Variants in PTK2B observed in about 807,000 individuals in gnomAD.
PTK2B encodes the protein protein tyrosine kinase 2 beta.
A neutral mutation model predicts 142.9 loss-of-function variants in PTK2B; 71 were observed. That is an observed-to-expected ratio of 0.50 (90% CI 0.41 to 0.61). PTK2B has a LOEUF of 0.61. Ranked by LOEUF, PTK2B falls within the 20% of genes least tolerant of loss-of-function variation. The probability of loss-of-function intolerance (pLI) is 0.00; values close to 1 mark genes in which losing one functional copy is unlikely to be tolerated. For missense variants in PTK2B, 1,105 were observed against 1,320.4 expected, an observed-to-expected ratio of 0.84 and a Z score of 2.53; for synonymous variants, 519 against 503.4, an observed-to-expected ratio of 1.03 and a Z score of -0.42.
At chr8:27,332,833 C>G (rs1327490489) in intron 1 of PTK2B, among the ~76,000 whole-genome samples, 1 of 152,334 alleles carries the variant, frequency 6.6e-6, no homozygotes, top group Middle Eastern at 3.4e-3. Context: ...TCTGCTTCGG[C>G]CTCCCAGAGT....
At chr8:27,447,704 CA>C (rs1331015690) in intron 24 of PTK2B, among the ~76,000 whole-genome samples, 1 of 152,048 alleles carries the variant, frequency 6.6e-6, no homozygotes, top group Non-Finnish European at 1.5e-5. Flanking sequence ...ACTAAAAATA[CA>C]AAAAATTAGT....
chr8:27,389,232 C>T (rs547174758), intron 1 of PTK2B, among the ~76,000 whole-genome samples: 4 of 151,778 alleles, frequency 2.6e-5, no homozygotes, highest in South Asian at 2.1e-4. Flanking sequence ...GCTATGGTTC[C>T]TGAAACATAG....
At chr8:27,349,756 T>C (rs1023915522) in intron 1 of PTK2B, among the ~76,000 whole-genome samples, 1 of 152,256 alleles carries the variant, frequency 6.6e-6, no homozygotes, top group Non-Finnish European at 1.5e-5. Flanking sequence ...CCTGGTCTCA[T>C]TTTTGCACCT....
intron 1 of PTK2B, among the ~76,000 whole-genome samples, chr8:27,327,420 T>C (rs1051574424): frequency 6.6e-6 from 1 of 151,360 alleles, no homozygotes; most frequent in Non-Finnish European, 1.5e-5. Flanking sequence ...GTTTTTTTTT[T>C]CACTACAAAT....
chr8:27,311,211 G>T, upstream of PTK2B: 1 of 1,569,392 alleles, frequency 6.4e-7, no homozygotes. Flanking sequence ...GAAGGCCCGG[G>T]GGACACGTCG....
At chr8:27,316,161 A>T (rs1301679736) in intron 3 of PTK2B, among the ~76,000 whole-genome samples, 1 of 152,176 alleles carries the variant, frequency 6.6e-6, no homozygotes, top group Non-Finnish European at 1.5e-5. Context: ...CCCACCTCCC[A>T]AATGCCCTGC....
chr8:27,420,264 CTA>C (rs778642640), intron 3 of PTK2B, among the ~76,000 whole-genome samples, 191 bp downstream of exon 3: 104 of 152,264 alleles, frequency 6.8e-4, no homozygotes, highest in Non-Finnish European at 8.5e-4. Context: ...GCTTCATAGA[CTA>C]TCCCCATCCC....
chr8:27,348,536 C>T (rs1001353117), intron 1 of PTK2B, among the ~76,000 whole-genome samples: 2 of 152,146 alleles, frequency 1.3e-5, no homozygotes, highest in Non-Finnish European at 1.5e-5. Context: ...GAAGTGCGAT[C>T]GCACCTCCCA....
chr8:27,340,820 AGCTGTCCATGCTGGCC>A (rs1563202090), intron 1 of PTK2B, among the ~76,000 whole-genome samples: 1 of 152,158 alleles, frequency 6.6e-6, no homozygotes, highest in Non-Finnish European at 1.5e-5. Flanking sequence ...TGGGCATTGA[AGCTGTCCATGCTGGCC>A]GCTGGCCAGC....
chr8:27,337,977 C>T (rs1804178384), intron 1 of PTK2B, among the ~76,000 whole-genome samples: 3 of 152,138 alleles, frequency 2.0e-5, no homozygotes, highest in Non-Finnish European at 4.4e-5. Flanking sequence ...TTTTTATTCC[C>T]ATCAGCAGTA....
chr8:27,401,721 T>C (rs994914529), intron 2 of PTK2B, among the ~76,000 whole-genome samples: 1 of 152,146 alleles, frequency 6.6e-6, no homozygotes, highest in Non-Finnish European at 1.5e-5. Context: ...AAACTATGAG[T>C]GACATGAGAT....
chr8:27,418,817 C>G (rs943535447), intron 2 of PTK2B, among the ~76,000 whole-genome samples: 1 of 152,108 alleles, frequency 6.6e-6, no homozygotes, highest in Non-Finnish European at 1.5e-5. Context: ...CACTTGAGGT[C>G]AGGAGTTTGA....
intron 1 of PTK2B, among the ~76,000 whole-genome samples, chr8:27,394,182 G>C (rs1807898310): frequency 6.6e-6 from 1 of 152,130 alleles, no homozygotes; most frequent in Non-Finnish European, 1.5e-5. Flanking sequence ...GGTACATTCT[G>C]TCCTGGTTCC....
At chr8:27,414,016 C>T (rs907629966) in intron 2 of PTK2B, among the ~76,000 whole-genome samples, 1 of 152,106 alleles carries the variant, frequency 6.6e-6, no homozygotes, top group African/African-American at 2.4e-5. Flanking sequence ...TAGATGTGGC[C>T]GATGTGAGTT....
At chr8:27,445,977 T>C in intron 24 of PTK2B, 58 bp downstream of exon 24, 1 of 1,604,558 alleles carries the variant, frequency 6.2e-7, no homozygotes, top group South Asian at 1.1e-5. Flanking sequence ...TGGAGGGAGG[T>C]GGCCGGGGAC....
At chr8:27,389,038 C>A (rs2131276707) in intron 1 of PTK2B, among the ~76,000 whole-genome samples, 1 of 152,244 alleles carries the variant, frequency 6.6e-6, no homozygotes, top group Non-Finnish European at 1.5e-5. Flanking sequence ...ATCCTGAGGC[C>A]CAGTAGGCAG....
In PTK2B at chr8:27,455,150, CTT is replaced by C. The variant is rs535943541; in HGVS notation, c.2814+541_2814+542del. On this transcript the variant is annotated intron_variant, in intron 30 of 30. Coordinates refer to ENST00000346049, the MANE Select transcript of PTK2B (RefSeq NM_173176.3). ...ATGCCACCTTCCATGGCAAAAGAGA[CTT>C]TGCAAATGTGATAAAGTTAAGGACC... Among the ~76,000 whole-genome samples, 1,048 of 152,176 alleles carry C rather than the reference CTT, an allele frequency of 6.9e-3. 21 individuals carry two copies. The highest frequency in any genetic ancestry group is 0.024 in the African/African-American group (1,008 of 41,538).
Position 27,454,259 on chromosome 8 carries a change from C to T in PTK2B, c.2701C>T (p.Leu901=). The change falls in exon 29 of 31, where the codon CTG becomes TTG. Residue 901 remains leucine, a synonymous_variant. Coordinates refer to ENST00000346049, the MANE Select transcript of PTK2B (RefSeq NM_173176.3). ...VLELKNELCQ[L]PPEGYVVVVK... ...GGAGCTCAAGAATGAGCTCTGTCAG[C>T]TGCCCCCCGAGGGCTACGTGGTGGT... The T allele has an allele frequency of 6.2e-7, 1 of 1,614,048 alleles. No individual in the cohort carries two copies. Among genetic ancestry groups the T allele is most frequent in the South Asian group, 1.1e-5 (1 of 91,074 alleles).
chr8:27,406,093 C>T (rs557997447), intron 2 of PTK2B, among the ~76,000 whole-genome samples: 10 of 152,310 alleles, frequency 6.6e-5, no homozygotes, highest in African/African-American at 2.4e-4. Flanking sequence ...TTGCCTGTCC[C>T]AGCTTCTGGT....
Sources: gnomAD v4.1 joint callset for allele counts (sites outside exome capture counted in the v4.1 genomes callset) on GRCh38, gnomAD v4.1.1 for gene constraint, MANE v1.5 for transcripts, NCBI Gene and HGNC (gene_info 2026-07-23, HGNC 2026-07-21) for gene names.